WDPCP: variants seen among roughly 807,000 people sequenced by gnomAD.
WDPCP encodes the protein WD repeat-containing and planar cell polarity effector protein fritz homolog.
In WDPCP, 71 loss-of-function variants were observed where a neutral mutation model predicts 93.1. The ratio of observed to expected loss-of-function variants is 0.76; its 90% CI spans 0.63 to 0.93. The LOEUF (loss-of-function observed/expected upper bound fraction) is 0.93. Among genes scored for constraint, WDPCP ranks in the 40% least tolerant of loss-of-function variants. The pLI, the probability that WDPCP is intolerant of heterozygous loss-of-function variation, is 0.00. For missense variants in WDPCP, 844 were observed against 887.4 expected (o/e 0.95, Z 0.62); for synonymous variants, 315 against 315.0 (o/e 1.00, Z 0.00).
At chr2:63,137,175 A>G (rs1487553498) in intron 17 of WDPCP, among the ~76,000 whole-genome samples, 1 of 152,188 alleles carries the variant, frequency 6.6e-6, no homozygotes, top group African/African-American at 2.4e-5. Flanking sequence ...ACACCCACCA[A>G]CAATGTATAA....
At chr2:63,204,593 C>T (rs1418376684) in intron 14 of WDPCP, among the ~76,000 whole-genome samples, 4 of 152,168 alleles carry the variant, frequency 2.6e-5, no homozygotes, top group African/African-American at 9.7e-5. Flanking sequence ...CTGCCCGCCT[C>T]AGCCTCCCGA....
intron 17 of WDPCP, among the ~76,000 whole-genome samples, chr2:63,151,343 G>A (rs1256045380): frequency 1.3e-5 from 2 of 152,084 alleles, no homozygotes; most frequent in Non-Finnish European, 2.9e-5. Flanking sequence ...TCCCACCTTA[G>A]CCTCCTGAGT....
At chr2:63,199,170 T>C (rs1394764449) in intron 14 of WDPCP, among the ~76,000 whole-genome samples, 1 of 152,160 alleles carries the variant, frequency 6.6e-6, no homozygotes. Flanking sequence ...TGAGTAGAGA[T>C]GATCTGAAAC....
intron 1 of WDPCP, among the ~76,000 whole-genome samples, chr2:63,534,962 C>T (rs1230011789): frequency 6.6e-6 from 1 of 152,168 alleles, no homozygotes; most frequent in Non-Finnish European, 1.5e-5. Context: ...TTAGAAAACC[C>T]CCTCGTCTCA....
Position 63,809,322 on chromosome 2 carries a change from G to A in WDPCP, n.308+4300C>T, listed in dbSNP as rs1294422356. On this transcript the variant is annotated intron_variant and non_coding_transcript_variant, in intron 2 of 4. Transcript: ENST00000467687. Reference sequence around the variant, plus strand: ...AGCCCCCCGCCCAGCCAGCCGCCCCGTCCGGGAGGTGAGGGGCGCCTCTGC... The same window carrying A: ...AGCCCCCCGCCCAGCCAGCCGCCCCATCCGGGAGGTGAGGGGCGCCTCTGC... Among the ~76,000 whole-genome samples, 71 of 150,758 alleles carry A rather than the reference G, an allele frequency of 4.7e-4. 1 individual carries two copies. Among genetic ancestry groups the A allele is most frequent in the African/African-American group, 1.6e-3 (65 of 41,014 alleles).
chr2:63,487,908 C>T (rs1471437231), intron 2 of WDPCP, among the ~76,000 whole-genome samples: 1 of 152,010 alleles, frequency 6.6e-6, no homozygotes, highest in Non-Finnish European at 1.5e-5. Flanking sequence ...TTCTTTTCTC[C>T]AATTTAGCTC....
intron 14 of WDPCP, among the ~76,000 whole-genome samples, chr2:63,257,263 T>C (rs1198564404): frequency 2.6e-5 from 4 of 152,136 alleles, no homozygotes; most frequent in Non-Finnish European, 4.4e-5. Flanking sequence ...AAGAACCACT[T>C]TGAAAGCCAA....
chr2:63,509,103 T>C (rs1013113308), intron 1 of WDPCP, among the ~76,000 whole-genome samples: 1 of 152,022 alleles, frequency 6.6e-6, no homozygotes, highest in African/African-American at 2.4e-5. Flanking sequence ...TCTACAGAAC[T>C]CTCCACCCCA....
chr2:63,647,544 T>C (rs1217795783), intron 3 of WDPCP, among the ~76,000 whole-genome samples: 2 of 152,230 alleles, frequency 1.3e-5, no homozygotes, highest in Admixed American at 6.5e-5. Flanking sequence ...TACTGTATGA[T>C]TCCATTTATA....
At chr2:63,282,282 G>A (rs1683620918) in intron 13 of WDPCP, among the ~76,000 whole-genome samples, 1 of 152,184 alleles carries the variant, frequency 6.6e-6, no homozygotes, top group Admixed American at 6.5e-5. Context: ...TGAGGCAGGT[G>A]GATCATGAGG....
At chr2:63,436,077 C>T (rs187691142) in intron 8 of WDPCP, among the ~76,000 whole-genome samples, 11 of 152,170 alleles carry the variant, frequency 7.2e-5, no homozygotes, top group Admixed American at 3.3e-4. Context: ...AGAAACTACT[C>T]ATCCAGAATT....
At chr2:63,674,655 A>G (rs980569446) in intron 2 of WDPCP, among the ~76,000 whole-genome samples, 1 of 151,854 alleles carries the variant, frequency 6.6e-6, no homozygotes, top group Admixed American at 6.6e-5. Flanking sequence ...ACAATACTGT[A>G]TTCTATGTAC....
In WDPCP at chr2:63,185,153, T is replaced by C. The variant is rs143416626; in HGVS notation, c.1916-10321A>G. On this transcript the variant is annotated intron_variant, in intron 14 of 17. Transcript: ENST00000272321. ...TTTTCTGATTTCTTTCTATTGGTTT[T>C]TGGATTTCTTTTGGATCTGATTGAG... 3.9e-3 allele frequency among the ~76,000 whole-genome samples: 597 copies of C among 152,370 alleles called. 5 individuals carry two copies. Among genetic ancestry groups the C allele is most frequent in the South Asian group, 0.012 (60 of 4,830 alleles).
chr2:63,306,829 C>T (rs1174170487), intron 13 of WDPCP, among the ~76,000 whole-genome samples: 3 of 152,168 alleles, frequency 2.0e-5, no homozygotes, highest in African/African-American at 4.8e-5. Flanking sequence ...TGAAAACCAG[C>T]ACAAGACAGG....
At chr2:63,295,237 G>A (rs1684754767) in intron 13 of WDPCP, among the ~76,000 whole-genome samples, 1 of 152,056 alleles carries the variant, frequency 6.6e-6, no homozygotes, top group Non-Finnish European at 1.5e-5. Context: ...TCCAGGAAAT[G>A]AGGGACAAAA....
At chr2:63,540,321 GT>G (rs1704612660) in intron 1 of WDPCP, among the ~76,000 whole-genome samples, 1 of 152,128 alleles carries the variant, frequency 6.6e-6, no homozygotes, top group Admixed American at 6.5e-5. Flanking sequence ...TGAATTAAGA[GT>G]TATGGAATTC....
intron 3 of WDPCP, chr2:63,595,597 C>G: frequency 1.2e-6 from 1 of 846,554 alleles, no homozygotes; most frequent in Admixed American, 2.4e-5. Context: ...TTGTTAAAGG[C>G]TCTCAATTAG....
intron 1 of WDPCP, among the ~76,000 whole-genome samples, chr2:63,561,480 T>C (rs1706617241): frequency 1.4e-5 from 2 of 139,106 alleles, no homozygotes; most frequent in Admixed American, 1.4e-4. Context: ...CCATCTCAAA[T>C]AATAATTAAA....
At chr2:63,300,063 GA>G (rs1255429023) in intron 13 of WDPCP, among the ~76,000 whole-genome samples, 4 of 151,964 alleles carry the variant, frequency 2.6e-5, no homozygotes, top group African/African-American at 9.7e-5. Context: ...ATACCTGATG[GA>G]ACCAATCTAT....
Sources: allele counts gnomAD v4.1 joint callset (sites outside exome capture counted in the v4.1 genomes callset), GRCh38; gene constraint gnomAD v4.1.1; transcripts MANE v1.5; gene names NCBI Gene and HGNC (gene_info 2026-07-23, HGNC 2026-07-21).